RAB11FIP1: variants seen among roughly 807,000 people sequenced by gnomAD.
RAB11FIP1 encodes rab11 family-interacting protein 1.
RAB11FIP1 carries 49 observed loss-of-function variants against 83.1 expected under a neutral mutation model. The ratio of observed to expected loss-of-function variants is 0.59; its 90% CI spans 0.47 to 0.75. The LOEUF (loss-of-function observed/expected upper bound fraction) is 0.75. Ranked by LOEUF, RAB11FIP1 falls within the 30% of genes least tolerant of loss-of-function variation. RAB11FIP1 has a pLI of 0.00. For missense variants in RAB11FIP1, 1,536 were observed against 1,598.7 expected (o/e 0.96, Z 0.67); for synonymous variants, 670 against 656.0 (o/e 1.02, Z -0.33).
At chr8:37,868,488 T>C (rs1234575139) in intron 5 of RAB11FIP1, among the ~76,000 whole-genome samples, 5 of 151,216 alleles carry the variant, frequency 3.3e-5, no homozygotes, top group African/African-American at 1.2e-4. Context: ...AAATATATGA[T>C]GGAATGAAAT....
At chr8:37,897,736 C>A (rs151275651) in intron 1 of RAB11FIP1, among the ~76,000 whole-genome samples, 13 of 152,184 alleles carry the variant, frequency 8.5e-5, no homozygotes, top group African/African-American at 2.9e-4. Flanking sequence ...AGGGCCCACC[C>A]GGGCTCCTTC....
intron 1 of RAB11FIP1, among the ~76,000 whole-genome samples, chr8:37,885,174 T>C (rs1014936642): frequency 6.6e-6 from 1 of 151,790 alleles, no homozygotes; most frequent in Admixed American, 6.6e-5. Flanking sequence ...TTTGTATTTT[T>C]AGTAGAGACG....
chr8:37,879,962 C>A (rs1161640946), intron 1 of RAB11FIP1, among the ~76,000 whole-genome samples: 2 of 152,106 alleles, frequency 1.3e-5, no homozygotes, highest in Non-Finnish European at 2.9e-5. Context: ...GGAAAGGAAG[C>A]CTTCTTCCCT....
rs552180836 is a variant in RAB11FIP1, at chr8:37,888,723, C to T, written c.371+10348G>A. Reference sequence around the variant, plus strand: ...AAACTCCTGGATTCAAGTGATCCTCCCAAAGTACTGGGATTACAGGAATGA... The same window carrying T: ...AAACTCCTGGATTCAAGTGATCCTCTCAAAGTACTGGGATTACAGGAATGA... On this transcript the variant is annotated intron_variant, in intron 1 of 5. Coordinates refer to ENST00000330843, the MANE Select transcript of RAB11FIP1 (RefSeq NM_001002814.3). Among the ~76,000 whole-genome samples the T allele has an allele frequency of 3.9e-5, 6 of 151,998 alleles. No homozygotes were observed. In the East Asian group the frequency reaches 1.2e-3, roughly 29 times the overall value.
At chr8:37,891,706 C>A (rs1806949660) in intron 1 of RAB11FIP1, among the ~76,000 whole-genome samples, 1 of 151,996 alleles carries the variant, frequency 6.6e-6, no homozygotes. Context: ...GTTCGTAATG[C>A]AAAAAACATT....
intron 1 of RAB11FIP1, among the ~76,000 whole-genome samples, chr8:37,886,686 G>A (rs1806842865): frequency 6.6e-6 from 1 of 152,188 alleles, no homozygotes; most frequent in South Asian, 2.1e-4. Flanking sequence ...GAGGAAAGAA[G>A]CAGGAAGAAC....
In RAB11FIP1 at chr8:37,872,295, T is replaced by G; in HGVS notation, c.2507A>C (p.Gln836Pro). 2 of 1,614,096 alleles carry G rather than the reference T, an allele frequency of 1.2e-6. No individual in the cohort carries two copies. Among genetic ancestry groups the G allele is most frequent in the Non-Finnish European group, 1.7e-6 (2 of 1,179,988 alleles). Residue 836 changes from glutamine (Q) to proline (P), a missense_variant, in exon 4 of 6, where the codon CAG (glutamine) becomes CCG (proline). By Grantham distance (76) the Gln-to-Pro change is moderately conservative. Transcript: ENST00000330843. ...AACAGACCATGCAGGGTTCAGCTCCTGGGGACAACTGCTGTGTCCTTCCAC... is the reference window on the plus strand; with the variant it reads ...AACAGACCATGCAGGGTTCAGCTCCGGGGGACAACTGCTGTGTCCTTCCAC... ...LLVEGHSSCPQELNPAWSVAG... is the reference protein window; with the variant it reads ...LLVEGHSSCPPELNPAWSVAG...
Position 37,859,212 on chromosome 8 carries a change from AT to A in RAB11FIP1, c.*3682del, listed in dbSNP as rs1259952349. On this transcript the variant is annotated 3_prime_UTR_variant, in exon 6 of 6. Transcript: ENST00000330843. ...TTAAGTTCTCCACCTAAGGCAATTA[AT>A]TTTTCAGCCTTGAGAGATAATTAGT... 1.3e-5 allele frequency: 2 copies of A among 152,040 alleles called. No individual in the cohort carries two copies. The highest frequency in any genetic ancestry group is 2.9e-5 in the Non-Finnish European group (2 of 68,026). 9.4% of individuals were successfully genotyped at this position (152,040 alleles called of 1,614,324 possible).
At position 37,877,110 on chromosome 8, in the gene RAB11FIP1, A is replaced by G. The variant is rs1255994756; in HGVS notation, c.813T>C (p.Asp271=). ...AAGCAGGAAGAGGCAGAAACTCACCATCCGAGGCCGAGGAGGACTCATCCT... is the reference window on the plus strand; with the variant it reads ...AAGCAGGAAGAGGCAGAAACTCACCGTCCGAGGCCGAGGAGGACTCATCCT... ...DNEDESSSAS[D]VMSHKRTAST... The change falls in exon 2 of 6, where the codon GAT becomes GAC. Residue 271 remains aspartate, a splice_region_variant and synonymous_variant. Coordinates refer to ENST00000330843, the MANE Select transcript of RAB11FIP1 (RefSeq NM_001002814.3). The G allele has an allele frequency of 6.2e-7, 1 of 1,607,698 alleles. No individual in the cohort carries two copies. The highest frequency in any genetic ancestry group is 1.1e-5 in the South Asian group (1 of 90,934).
chr8:37,865,132 G>A (rs990746310), intron 5 of RAB11FIP1, among the ~76,000 whole-genome samples: 1 of 151,454 alleles, frequency 6.6e-6, no homozygotes, highest in Non-Finnish European at 1.5e-5. Flanking sequence ...ACGTCCTCAA[G>A]GGATTTTAGA....
At chr8:37,873,708 G>A (rs189993504) in intron 3 of RAB11FIP1, among the ~76,000 whole-genome samples, 13 of 152,126 alleles carry the variant, frequency 8.5e-5, no homozygotes, top group Admixed American at 4.6e-4. Flanking sequence ...AAAAGATCCC[G>A]GTAAAGCAAT....
rs754723072 is a variant in RAB11FIP1 at position 37,861,549 on chromosome 8, T to TTTC, written c.*1343_*1345dup. On this transcript the variant is annotated 3_prime_UTR_variant, in exon 6 of 6. Coordinates refer to ENST00000330843, the MANE Select transcript of RAB11FIP1 (RefSeq NM_001002814.3). ...CCTGTAGAGTGAAGGGGCTTCTTTT[T>TTTC]TTCTTTTTAGTTTTTTTTAAGACAG... The TTTC allele has an allele frequency of 2.7e-5, 12 of 442,934 alleles. No individual in the cohort carries two copies. Among genetic ancestry groups the TTTC allele is most frequent in the Non-Finnish European group, 5.4e-5 (12 of 223,830 alleles). The allele number at this position is 442,934 out of a possible 1,614,324, so 27.4% of individuals were successfully genotyped here. A position where few individuals can be genotyped will look rare whatever the true frequency, so the allele number is the denominator to read the frequency against.
At chr8:37,888,790 CT>C (rs35214439) in intron 1 of RAB11FIP1, among the ~76,000 whole-genome samples, 1,997 of 100,712 alleles carry the variant, frequency 0.02, 21 homozygotes, top group African/African-American at 0.055. Flanking sequence ...CGTTCTGCAA[CT>C]TTTTTTTTTT....
intron 2 of RAB11FIP1, among the ~76,000 whole-genome samples, chr8:37,876,571 G>A (rs998889505): frequency 2.3e-4 from 35 of 150,576 alleles, no homozygotes; most frequent in Admixed American, 2.0e-4. Context: ...GCACTCCAGC[G>A]TGGGCAATAG....
Position 37,899,437 on chromosome 8 carries a change from G to A in RAB11FIP1, c.5C>T (p.Ser2Phe). 6.4e-7 allele frequency: 1 copy of A among 1,553,446 alleles called. No homozygotes were observed. M[S>F]LMVSAGRGLG... is the part of the protein sequence containing the mutation. Reference sequence around the variant, plus strand: ...GCCCCGGCCAGCCGAGACCATTAGGGACATGGTGACGATAACACTCCAGAA... The same window carrying A: ...GCCCCGGCCAGCCGAGACCATTAGGAACATGGTGACGATAACACTCCAGAA... Residue 2 changes from serine (S) to phenylalanine (F), a missense_variant, in exon 1 of 6, where the codon TCC becomes TTC. Transcript: ENST00000330843. This position sits in a 1 kb window ranked among gnomAD's most constrained non-coding sequence, Gnocchi z 4.5.
At chr8:37,865,790 GGAT>G in intron 5 of RAB11FIP1, among the ~76,000 whole-genome samples, 1 of 152,028 alleles carries the variant, frequency 6.6e-6, no homozygotes, top group African/African-American at 2.4e-5. Flanking sequence ...CTCTATTGCT[GGAT>G]ATTTATGTTG....
chr8:37,872,833 T>C lies in RAB11FIP1; in HGVS notation c.1969A>G (p.Lys657Glu), dbSNP rs775767867. Residue 657 changes from lysine (K) to glutamate (E), a missense_variant, in exon 4 of 6, where the codon AAA (lysine) becomes GAA (glutamate). Physicochemically the swap from Lys to Glu is moderately conservative, Grantham distance 56. Transcript: ENST00000330843. ...SGSSALGSLFKQPSFPANKGT... is the reference protein window; with the variant it reads ...SGSSALGSLFEQPSFPANKGT... The stretch of plus-strand genomic sequence containing the variant: ...TTATTTGCTGGAAAGGATGGCTGTT[T>C]GAAAAGTGATCCCAGGGCAGAAGAA... The C allele has an allele frequency of 1.2e-6, 2 of 1,614,196 alleles. No homozygotes were observed. Among genetic ancestry groups the C allele is most frequent in the Non-Finnish European group, 1.7e-6 (2 of 1,180,038 alleles).
chr8:37,879,514 T>A (rs1265536509), intron 1 of RAB11FIP1, among the ~76,000 whole-genome samples: 1 of 152,110 alleles, frequency 6.6e-6, no homozygotes. Flanking sequence ...ATGAAAAAGT[T>A]CCGGAGATGG....
At chr8:37,881,632 T>C (rs1322328007) in intron 1 of RAB11FIP1, among the ~76,000 whole-genome samples, 1 of 152,204 alleles carries the variant, frequency 6.6e-6, no homozygotes, top group Non-Finnish European at 1.5e-5. Flanking sequence ...TTTTATGGTT[T>C]TTATAACCTC....
Sources: allele counts gnomAD v4.1 joint callset (sites outside exome capture counted in the v4.1 genomes callset), GRCh38; gene constraint gnomAD v4.1.1; non-coding constraint Gnocchi (gnomAD v3.1); transcripts MANE v1.5; gene names NCBI Gene and HGNC (gene_info 2026-07-23, HGNC 2026-07-21).